SLX4IP: variants seen among roughly 807,000 people sequenced by gnomAD.
SLX4IP encodes protein SLX4IP.
Under a neutral mutation model 32.9 loss-of-function variants are expected in SLX4IP, and 34 were observed. The observed-to-expected ratio is 1.03, with a 90% CI of 0.79 to 1.38. The LOEUF (loss-of-function observed/expected upper bound fraction) is 1.38, where lower values mean the gene tolerates loss of function less well. Among genes scored for constraint, SLX4IP ranks in the 40% most tolerant of loss-of-function variants. The probability of loss-of-function intolerance (pLI) is 0.00; values close to 1 mark genes in which losing one functional copy is unlikely to be tolerated. For synonymous variants in SLX4IP, 172 were observed against 171.7 expected, an observed-to-expected ratio of 1.00 and a Z score of -0.01; for missense variants, 444 against 479.0, an observed-to-expected ratio of 0.93 and a Z score of 0.68.
rs2067182006 is a variant in SLX4IP at position 10,627,164 on chromosome 20, C to G, written c.*3785C>G. ...GGCCCTCCTTTGGAGGTAACAGATG[C>G]CTTTCCTAAGAACTCAAAGTTCTCT... On this transcript the variant is annotated 3_prime_UTR_variant, in exon 8 of 8. Transcript: ENST00000334534. 1 of 152,194 alleles carries G rather than the reference C, an allele frequency of 6.6e-6. No homozygotes were observed. The allele number at this position is 152,194 out of a possible 1,614,324, so 9.4% of individuals were successfully genotyped here. A position where few individuals can be genotyped will look rare whatever the true frequency, so the allele number is the denominator to read the frequency against.
intron 2 of SLX4IP, among the ~76,000 whole-genome samples, chr20:10,538,608 C>A (rs778220617): frequency 6.6e-6 from 1 of 151,972 alleles, no homozygotes; most frequent in Non-Finnish European, 1.5e-5. Flanking sequence ...TCACTGCAAC[C>A]TCTGCCTCCT....
intron 2 of SLX4IP, among the ~76,000 whole-genome samples, chr20:10,518,468 CTTTCTTTTCCTTTCCTT>C (rs2065873893): frequency 7.2e-5 from 3 of 41,826 alleles, no homozygotes; most frequent in African/African-American, 2.1e-4. Flanking sequence ...CCTTCCTTTC[CTTTCTTTTCCTTTCCTT>C]TCCTTTTCCT....
intron 4 of SLX4IP, among the ~76,000 whole-genome samples, chr20:10,590,322 CATTTT>C (rs773570451): frequency 1.1e-4 from 17 of 151,708 alleles, no homozygotes; most frequent in South Asian, 2.1e-4. Flanking sequence ...CCTTGAGTAT[CATTTT>C]ATTTTATTTT....
intron 2 of SLX4IP, among the ~76,000 whole-genome samples, chr20:10,461,551 G>A (rs949415967): frequency 1.3e-5 from 2 of 152,130 alleles, no homozygotes; most frequent in African/African-American, 4.8e-5. Context: ...TAGAAGCTCC[G>A]TGACTCAAGC....
chr20:10,557,212 C>T (rs1425525834), intron 3 of SLX4IP, among the ~76,000 whole-genome samples: 1 of 152,092 alleles, frequency 6.6e-6, no homozygotes, highest in Non-Finnish European at 1.5e-5. Context: ...AACAAAAAGC[C>T]ACCCTTTTCT....
chr20:10,613,382 T>G (rs1380633620), intron 6 of SLX4IP: 3 of 1,449,050 alleles, frequency 2.1e-6, no homozygotes, highest in South Asian at 2.3e-5. Flanking sequence ...TGCCTGCACC[T>G]TGCTTACAAT....
At chr20:10,482,883 C>A (rs2065536512) in intron 2 of SLX4IP, among the ~76,000 whole-genome samples, 1 of 152,014 alleles carries the variant, frequency 6.6e-6, no homozygotes, top group Non-Finnish European at 1.5e-5. Flanking sequence ...CCTTAATAAA[C>A]CTATTTTTAG....
chr20:10,505,884 A>G (rs1380970361), intron 2 of SLX4IP, among the ~76,000 whole-genome samples: 1 of 151,900 alleles, frequency 6.6e-6, no homozygotes. Flanking sequence ...GCACGGTAAC[A>G]TCTTGATTCC....
chr20:10,533,745 G>C (rs974047939), intron 2 of SLX4IP, among the ~76,000 whole-genome samples: 2 of 151,172 alleles, frequency 1.3e-5, no homozygotes, highest in African/African-American at 4.9e-5. Context: ...TCAGCCTCCA[G>C]AGTAGCTGGG....
At chr20:10,540,122 TC>T (rs2066089124) in intron 2 of SLX4IP, among the ~76,000 whole-genome samples, 1 of 149,586 alleles carries the variant, frequency 6.7e-6, no homozygotes, top group South Asian at 2.2e-4. Flanking sequence ...CTTCCTTCCT[TC>T]CTTCCTTCCT....
chr20:10,620,596 C>T (rs894553928), intron 6 of SLX4IP, among the ~76,000 whole-genome samples: 1 of 152,090 alleles, frequency 6.6e-6, no homozygotes, highest in Non-Finnish European at 1.5e-5. Context: ...CTCTGTTGCC[C>T]AGGCTGGAGT....
At position 10,621,402 on chromosome 20, in the gene SLX4IP, C is replaced by T. The variant is rs763000499; in HGVS notation, c.494C>T (p.Ala165Val). The T allele has an allele frequency of 1.2e-6, 2 of 1,614,090 alleles. No homozygotes were observed. The highest frequency in any genetic ancestry group is 8.5e-7 in the Non-Finnish European group (1 of 1,179,980). Residue 165 changes from alanine to valine, a missense_variant, in exon 7 of 8, where the codon GCT becomes GTT. By Grantham distance (64) the Ala-to-Val change is moderately conservative (BLOSUM62 0). Coordinates refer to ENST00000334534, the MANE Select transcript of SLX4IP (RefSeq NM_001009608.3). ...CCCAGTGCAAAGCTCCGGAGAAATG[C>T]TCTGAAAGAAATGTAGGTGCAATGT... is the stretch of plus-strand genomic sequence containing the variant. ...LPPSAKLRRN[A>V]LKEIVKRTET...
intron 2 of SLX4IP, among the ~76,000 whole-genome samples, chr20:10,541,022 A>G (rs1464355278): frequency 4.6e-5 from 7 of 152,226 alleles, no homozygotes; most frequent in Admixed American, 4.6e-4. Context: ...GCTAAAGTTT[A>G]AGGTTCATTC....
chr20:10,486,441 A>G (rs750384111), intron 2 of SLX4IP, among the ~76,000 whole-genome samples: 53 of 152,296 alleles, frequency 3.5e-4, no homozygotes, highest in Non-Finnish European at 4.0e-4. Context: ...AAGAACTGAA[A>G]GAGATGGAAC....
intron 2 of SLX4IP, among the ~76,000 whole-genome samples, chr20:10,526,956 G>C (rs907959972): frequency 6.6e-6 from 1 of 152,128 alleles, no homozygotes; most frequent in Non-Finnish European, 1.5e-5. Context: ...CCAAAAAAGA[G>C]AGAGACAGGA....
At chr20:10,518,483 C>CT (rs1568720281) in intron 2 of SLX4IP, among the ~76,000 whole-genome samples, 4 of 56,766 alleles carry the variant, frequency 7.0e-5, no homozygotes, top group African/African-American at 1.6e-4. Flanking sequence ...TTTTCCTTTC[C>CT]TTTCCTTTTC....
At chr20:10,473,751 T>C (rs900612687) in intron 2 of SLX4IP, among the ~76,000 whole-genome samples, 6 of 150,842 alleles carry the variant, frequency 4.0e-5, no homozygotes, top group African/African-American at 7.3e-5. Flanking sequence ...TACAGGCGCC[T>C]GCCACCACGC....
At chr20:10,516,643 C>G (rs1048222314) in intron 2 of SLX4IP, among the ~76,000 whole-genome samples, 1 of 152,184 alleles carries the variant, frequency 6.6e-6, no homozygotes, top group African/African-American at 2.4e-5. Context: ...CACGGAAAAC[C>G]TCAGAAGCTC....
Position 10,613,582 on chromosome 20 carries a change from C to G in SLX4IP, c.406-7732C>G. 2.5e-6 allele frequency: 4 copies of G among 1,612,872 alleles called. No individual in the cohort carries two copies. In the Admixed American group the frequency reaches 6.7e-5, roughly 27 times the overall value. ...TGAATGGCTGCCTTCAGGCTATCCA[C>G]GCCTTCATCAAGCCCCAACTCCTTT... is the stretch of plus-strand genomic sequence containing the variant. On this transcript the variant is annotated intron_variant, in intron 6 of 7. Coordinates refer to ENST00000334534, the MANE Select transcript of SLX4IP (RefSeq NM_001009608.3).
Sources: allele counts gnomAD v4.1 joint callset (sites outside exome capture counted in the v4.1 genomes callset), GRCh38; gene constraint gnomAD v4.1.1; transcripts MANE v1.5; gene names NCBI Gene and HGNC (gene_info 2026-07-23, HGNC 2026-07-21).